The following C1QTNF3 variants were observed in gnomAD, a reference collection of about 807,000 sequenced individuals.
The protein encoded by C1QTNF3 is complement C1q tumor necrosis factor-related protein 3.
In C1QTNF3, 26 loss-of-function variants were observed where a neutral mutation model predicts 32.6. The observed-to-expected ratio is 0.80, with a 90% CI of 0.58 to 1.11. The LOEUF is 1.11. Among genes scored for constraint, C1QTNF3 ranks in the 50% least tolerant of loss-of-function variants. The probability of loss-of-function intolerance (pLI) is 0.00; values close to 1 mark genes in which losing one functional copy is unlikely to be tolerated. For synonymous variants in C1QTNF3, 155 were observed against 146.0 expected (o/e 1.06, Z -0.44); for missense variants, 362 against 398.2 (o/e 0.91, Z 0.77).
At chr5:34,079,664 G>C in the C1QTNF3 span, among the ~76,000 whole-genome samples, 1 of 151,528 alleles carries the variant, frequency 6.6e-6, no homozygotes, top group Non-Finnish European at 1.5e-5. Context: ...ACATTATGCT[G>C]GTGAAATAAG....
the C1QTNF3 span, among the ~76,000 whole-genome samples, chr5:34,059,019 T>G: frequency 3.3e-5 from 5 of 152,238 alleles, no homozygotes; most frequent in African/African-American, 1.2e-4. Flanking sequence ...TTGAACTGCG[T>G]GCAGGAGAGC....
the C1QTNF3 span, among the ~76,000 whole-genome samples, chr5:34,096,434 CTTATA>C: frequency 5.4e-3 from 705 of 130,996 alleles, 9 homozygotes; most frequent in African/African-American, 0.02. Context: ...ATTCAATGAT[CTTATA>C]TTATATGTGA....
the C1QTNF3 span, chr5:34,200,603 A>T: frequency 6.6e-6 from 1 of 152,140 alleles, no homozygotes; most frequent in Non-Finnish European, 1.5e-5. Flanking sequence ...TCAATACCAT[A>T]ATCATTAAAT....
At chr5:34,213,243 G>A in the C1QTNF3 span, among the ~76,000 whole-genome samples, 2 of 152,040 alleles carry the variant, frequency 1.3e-5, no homozygotes, top group East Asian at 3.9e-4. Flanking sequence ...TTGAAAAATT[G>A]CTATCACCAT....
chr5:34,142,573 A>G, the C1QTNF3 span, among the ~76,000 whole-genome samples: 838 of 152,308 alleles, frequency 5.5e-3, 2 homozygotes, highest in Non-Finnish European at 8.5e-3. Flanking sequence ...CAAATGCAAG[A>G]AAAGACAAAG....
chr5:34,220,995 T>C, the C1QTNF3 span, among the ~76,000 whole-genome samples: 2 of 152,074 alleles, frequency 1.3e-5, no homozygotes, highest in East Asian at 1.9e-4. Context: ...GAGGCAAACT[T>C]TGAAGGAGCT....
the C1QTNF3 span, among the ~76,000 whole-genome samples, chr5:34,049,615 A>T: frequency 1.3e-5 from 2 of 152,246 alleles, no homozygotes; most frequent in Admixed American, 6.5e-5. Context: ...GATCTTGCTT[A>T]GCTACAGCAG....
chr5:34,071,742 T>C, the C1QTNF3 span, among the ~76,000 whole-genome samples: 2 of 152,120 alleles, frequency 1.3e-5, no homozygotes, highest in Non-Finnish European at 2.9e-5. Flanking sequence ...TACTGAGTGC[T>C]GAATTAGGGA....
chr5:34,170,756 C>T, the C1QTNF3 span, among the ~76,000 whole-genome samples: 3 of 152,186 alleles, frequency 2.0e-5, no homozygotes, highest in East Asian at 5.8e-4. Context: ...ATTCAGTACA[C>T]AAGAATTGAT....
the C1QTNF3 span, among the ~76,000 whole-genome samples, chr5:34,232,450 A>G: frequency 6.6e-6 from 1 of 152,002 alleles, no homozygotes; most frequent in Non-Finnish European, 1.5e-5. Context: ...GTCCCCACCC[A>G]AATCTCATCT....
At chr5:34,184,715 CAAAAAAAAAAA>C in the C1QTNF3 span, among the ~76,000 whole-genome samples, 2 of 129,598 alleles carry the variant, frequency 1.5e-5, no homozygotes, top group East Asian at 2.1e-4. Flanking sequence ...GACTCTGTCT[CAAAAAAAAAAA>C]AAAAAAAAAA....
the C1QTNF3 span, among the ~76,000 whole-genome samples, chr5:34,090,997 T>C: frequency 1.3e-5 from 2 of 152,234 alleles, no homozygotes. Context: ...ATGTATTTCT[T>C]AAATGTAAGA....
the C1QTNF3 span, among the ~76,000 whole-genome samples, chr5:34,237,700 G>A: frequency 6.6e-6 from 1 of 152,102 alleles, no homozygotes; most frequent in African/African-American, 2.4e-5. Flanking sequence ...AAGCAATGAA[G>A]CTGAGCTGAA....
chr5:34,208,825 G>A, the C1QTNF3 span, among the ~76,000 whole-genome samples: 1 of 152,124 alleles, frequency 6.6e-6, no homozygotes. Context: ...TGTAGTGCTT[G>A]CTCCATATTG....
At chr5:34,206,986 C>G in the C1QTNF3 span, among the ~76,000 whole-genome samples, 1 of 152,196 alleles carries the variant, frequency 6.6e-6, no homozygotes, top group African/African-American at 2.4e-5. Context: ...TTAAGAGTGT[C>G]CAGAAGCCAC....
chr5:34,166,251 C>G, the C1QTNF3 span: 1 of 151,976 alleles, frequency 6.6e-6, no homozygotes, highest in East Asian at 1.9e-4. Flanking sequence ...AATATTTCCT[C>G]TTAATGCTGA....
At chr5:34,048,057 T>C (rs1755015017), upstream of C1QTNF3, among the ~76,000 whole-genome samples, 1 of 152,186 alleles carries the variant, frequency 6.6e-6, no homozygotes, top group Admixed American at 6.5e-5. Context: ...GTCCCAGGAA[T>C]GGATCTGTCT....
At chr5:34,219,447 T>C in the C1QTNF3 span, among the ~76,000 whole-genome samples, 2 of 151,918 alleles carry the variant, frequency 1.3e-5, no homozygotes, top group Non-Finnish European at 2.9e-5. Flanking sequence ...AAAACTGTGT[T>C]ACAGGGAAGG....
the C1QTNF3 span, among the ~76,000 whole-genome samples, chr5:34,237,948 T>C: frequency 2.0e-5 from 3 of 152,182 alleles, no homozygotes; most frequent in Non-Finnish European, 4.4e-5. Context: ...GCCAAGCCAC[T>C]GGGTATTAGG....
Sources: gnomAD v4.1 joint callset for allele counts (sites outside exome capture counted in the v4.1 genomes callset) on GRCh38, gnomAD v4.1.1 for gene constraint, MANE v1.5 for transcripts, NCBI Gene and HGNC (gene_info 2026-07-23, HGNC 2026-07-21) for gene names.